Variants in NIPA1 observed in about 807,000 individuals in gnomAD.
NIPA1 encodes the protein NIPA magnesium transporter 1.
A neutral mutation model predicts 23.9 loss-of-function variants in NIPA1; 13 were observed. The ratio of observed to expected loss-of-function variants is 0.54; its 90% CI spans 0.35 to 0.87. The LOEUF (loss-of-function observed/expected upper bound fraction) is 0.87, where lower values mean the gene tolerates loss of function less well. Ranked by LOEUF, NIPA1 falls within the 40% of genes least tolerant of loss-of-function variation. The pLI is 0.01. For missense variants in NIPA1, 362 were observed against 429.7 expected (o/e 0.84, Z 1.39); for synonymous variants, 234 against 202.9 (o/e 1.15, Z -1.30).
At chr15:22,793,269 A>G (rs1343684456) in intron 1 of NIPA1, among the ~76,000 whole-genome samples, 1 of 145,914 alleles carries the variant, frequency 6.9e-6, no homozygotes, top group Non-Finnish European at 1.5e-5. Context: ...AAATTGCCTG[A>G]ACCTGGGCTG....
rs973210096 is a variant in NIPA1, at chr15:22,827,005, A to T, written c.*2766A>T. The T allele has an allele frequency of 8.5e-5, 13 of 152,142 alleles. No homozygotes were observed. The highest frequency in any genetic ancestry group is 2.9e-4 in the African/African-American group (12 of 41,432). The allele number at this position is 152,142 out of a possible 1,614,324, so 9.4% of individuals were successfully genotyped here. On this transcript the variant is annotated 3_prime_UTR_variant, in exon 5 of 5. Coordinates refer to ENST00000337435, the MANE Select transcript of NIPA1 (RefSeq NM_144599.5). ...ATTCATTTGAAAATGAAAAAGCCCC[A>T]AAGTGAGAACTTTGGGGGAGGGCCT...
chr15:22,815,155 A>C (rs911760907), intron 3 of NIPA1, among the ~76,000 whole-genome samples: 5 of 152,190 alleles, frequency 3.3e-5, no homozygotes, highest in Admixed American at 6.5e-5. Context: ...TTACCCCTGA[A>C]CACATCAATT....
At chr15:22,793,245 A>G (rs1192629671) in intron 1 of NIPA1, among the ~76,000 whole-genome samples, 1 of 147,812 alleles carries the variant, frequency 6.8e-6, no homozygotes, top group African/African-American at 2.5e-5. Flanking sequence ...GCCACTTGGG[A>G]GGCTGAGGCA....
chr15:22,811,999 C>T (rs1173373179), intron 2 of NIPA1, among the ~76,000 whole-genome samples, 164 bp from the exon 3 acceptor site: 1 of 152,210 alleles, frequency 6.6e-6, no homozygotes, highest in Non-Finnish European at 1.5e-5. Flanking sequence ...TGGTTCCTGA[C>T]CCCTGACCCC....
intron 1 of NIPA1, 21 bp from the exon 2 acceptor site, chr15:22,810,728 T>C: frequency 6.4e-7 from 1 of 1,569,210 alleles, no homozygotes; most frequent in Non-Finnish European, 8.8e-7. Flanking sequence ...TTTCTGACAT[T>C]TTTTATCTCA....
chr15:22,800,591 G>A (rs1242042011), intron 1 of NIPA1, among the ~76,000 whole-genome samples: 1 of 151,864 alleles, frequency 6.6e-6, no homozygotes, highest in Non-Finnish European at 1.5e-5. Context: ...TCAGGAGCTC[G>A]AGACCAGCCT....
At chr15:22,786,629 G>A (rs1286380250), upstream of NIPA1, 1 of 927,274 alleles carries the variant, frequency 1.1e-6, no homozygotes. Flanking sequence ...GCGCGCAGGC[G>A]CAGGCTCGGA....
At chr15:22,801,492 C>T (rs1043218928) in intron 1 of NIPA1, among the ~76,000 whole-genome samples, 7 of 140,360 alleles carry the variant, frequency 5.0e-5, no homozygotes, top group African/African-American at 1.6e-4. Context: ...TAGGGGCAGA[C>T]AACACTTCTA....
chr15:22,811,311 A>G (rs1895309903), intron 2 of NIPA1, among the ~76,000 whole-genome samples: 1 of 152,226 alleles, frequency 6.6e-6, no homozygotes, highest in Admixed American at 6.5e-5. Flanking sequence ...TTTGAAATTC[A>G]GAAATATTAT....
rs184154944 is a variant in NIPA1, at chr15:22,823,450, T to C, written c.479-278T>C. Among the ~76,000 whole-genome samples the C allele has an allele frequency of 7.7e-3, 1,167 of 152,308 alleles. 10 individuals are homozygous for C. The highest frequency in any genetic ancestry group is 0.068 in the Middle Eastern group (20 of 294). On this transcript the variant is annotated intron_variant, in intron 4 of 4. Transcript: ENST00000337435. ...CTCCTGACCTCATGATCCACCTGCCTTGGCCCCCCAAAGTGCTGGGATTAC... is the reference window on the plus strand; with the variant it reads ...CTCCTGACCTCATGATCCACCTGCCCTGGCCCCCCAAAGTGCTGGGATTAC...
chr15:22,818,467 A>G (rs920900075), intron 3 of NIPA1, among the ~76,000 whole-genome samples: 19 of 151,748 alleles, frequency 1.3e-4, no homozygotes, highest in African/African-American at 4.4e-4. Context: ...AAACTCTTAC[A>G]GTGCATCAGT....
chr15:22,825,336 T>C lies in NIPA1; in HGVS notation c.*1097T>C. 6.6e-6 allele frequency: 1 copy of C among 152,374 alleles called. No homozygotes were observed. Among genetic ancestry groups the C allele is most frequent in the East Asian group, 1.9e-4 (1 of 5,192 alleles). 9.4% of individuals were successfully genotyped at this position (152,374 alleles called of 1,614,324 possible). Reference sequence around the variant, plus strand: ...CCACCGTCATGTAAGTGGTATGTCTTTGACAGAAACATGGTTACGTGGTTC... The same window carrying C: ...CCACCGTCATGTAAGTGGTATGTCTCTGACAGAAACATGGTTACGTGGTTC... On this transcript the variant is annotated 3_prime_UTR_variant, in exon 5 of 5. Coordinates refer to ENST00000337435, the MANE Select transcript of NIPA1 (RefSeq NM_144599.5).
intron 3 of NIPA1, 144 bp from the exon 4 acceptor site, chr15:22,820,168 GC>G (rs1305975836): frequency 7.9e-6 from 5 of 632,968 alleles, no homozygotes; most frequent in Non-Finnish European, 1.4e-5. Flanking sequence ...CTGCACTCCA[GC>G]CTGGGCAACA....
chr15:22,822,650 G>A (rs893196556), intron 4 of NIPA1, among the ~76,000 whole-genome samples: 7 of 152,220 alleles, frequency 4.6e-5, no homozygotes, highest in South Asian at 2.1e-4. Flanking sequence ...CCAACATGGC[G>A]AAACCCCGTC....
rs1895640890 is a variant in NIPA1, at chr15:22,825,927, G to A, written c.*1688G>A. The A allele has an allele frequency of 6.6e-6, 1 of 152,536 alleles. No individual in the cohort carries two copies. Among genetic ancestry groups the A allele is most frequent in the Non-Finnish European group, 1.5e-5 (1 of 68,022 alleles). 9.4% of individuals were successfully genotyped at this position (152,536 alleles called of 1,614,324 possible). On this transcript the variant is annotated 3_prime_UTR_variant, in exon 5 of 5. Coordinates refer to ENST00000337435, the MANE Select transcript of NIPA1 (RefSeq NM_144599.5). ...AAATGGGAGCATAGCATGAAGTGAT[G>A]CACATATTTCACCACGGTATCATGT... is the stretch of plus-strand genomic sequence containing the variant.
At chr15:22,795,014 C>T (rs942293799) in intron 1 of NIPA1, among the ~76,000 whole-genome samples, 5 of 152,172 alleles carry the variant, frequency 3.3e-5, no homozygotes, top group Non-Finnish European at 2.9e-5. Flanking sequence ...AGGCATCTAA[C>T]TGGCCACAGG....
chr15:22,823,781 T>G lies in NIPA1; in HGVS notation c.532T>G (p.Trp178Gly). ...GCTCATGCTGCTGCTGCTCATCTTC[T>G]GGATCGCGCCGGCCCATGGGCCCAC... The part of the protein sequence containing the change: ...VLLMLLLLIF[W>G]IAPAHGPTNI... Residue 178 changes from tryptophan to glycine, a missense_variant, in exon 5 of 5, where the codon TGG becomes GGG. This residue lies in a region of NIPA1 where 277 missense variants were observed against 372.0 expected (regional missense o/e 0.74). Transcript: ENST00000337435. 6.2e-7 allele frequency: 1 copy of G among 1,613,584 alleles called. No individual in the cohort carries two copies. The highest frequency in any genetic ancestry group is 1.1e-5 in the South Asian group (1 of 91,062).
At chr15:22,820,511 A>G in intron 4 of NIPA1, 38 bp downstream of exon 4, 1 of 1,567,670 alleles carries the variant, frequency 6.4e-7, no homozygotes, top group Non-Finnish European at 8.8e-7. Context: ...GAAAGTTTGC[A>G]GTAGGAGTGC....
At chr15:22,794,126 T>C (rs892149584) in intron 1 of NIPA1, among the ~76,000 whole-genome samples, 6 of 152,040 alleles carry the variant, frequency 3.9e-5, no homozygotes, top group African/African-American at 4.8e-5. Context: ...AGGGATTGCA[T>C]TGAATCTCGT....
Sources: gnomAD v4.1 joint callset for allele counts (sites outside exome capture counted in the v4.1 genomes callset) on GRCh38, gnomAD v4.1.1 for gene constraint, gnomAD v4.1.1 regional missense constraint, MANE v1.5 for transcripts, NCBI Gene and HGNC (gene_info 2026-07-23, HGNC 2026-07-21) for gene names.